The following FAM227B variants were observed in gnomAD, a reference collection of about 807,000 sequenced individuals.
FAM227B encodes family with sequence similarity 227 member B.
In FAM227B, 88 loss-of-function variants were observed where a neutral mutation model predicts 73.8. That is an observed-to-expected ratio of 1.19 (90% CI 1.00 to 1.42). The LOEUF is 1.42. Ranked by LOEUF, FAM227B falls within the 40% of genes most tolerant of loss-of-function variation. FAM227B has a pLI of 0.00. For missense variants in FAM227B, 632 were observed against 590.9 expected (o/e 1.07, Z -0.72); for synonymous variants, 210 against 190.5 (o/e 1.10, Z -0.84).
At chr15:49,407,883 G>A (rs1347289915) in intron 11 of FAM227B, among the ~76,000 whole-genome samples, 1 of 151,902 alleles carries the variant, frequency 6.6e-6, no homozygotes, top group African/African-American at 2.4e-5. Flanking sequence ...CTGGCAATCT[G>A]TTTCTGTACC....
intron 13 of FAM227B, among the ~76,000 whole-genome samples, chr15:49,337,508 C>CTTTTTTTTTTT (rs33973907): frequency 5.5e-5 from 2 of 36,086 alleles, no homozygotes; most frequent in African/African-American, 1.2e-4. Flanking sequence ...CATTTACCCA[C>CTTTTTTTTTTT]TTTTTTTTTT....
At chr15:49,575,968 ATTTCT>A (rs1235282568) in intron 7 of FAM227B, among the ~76,000 whole-genome samples, 2 of 152,210 alleles carry the variant, frequency 1.3e-5, no homozygotes, top group East Asian at 1.9e-4. Flanking sequence ...AACATTCAAG[ATTTCT>A]TTTAAGTGCA....
chr15:49,472,695 C>T (rs1247663883), intron 11 of FAM227B, among the ~76,000 whole-genome samples: 6 of 152,110 alleles, frequency 3.9e-5, no homozygotes, highest in Admixed American at 3.9e-4. Flanking sequence ...AGCTTGAAGA[C>T]TTAAGGGGCA....
At chr15:49,595,681 C>T (rs113990473) in intron 3 of FAM227B, among the ~76,000 whole-genome samples, 136 of 150,024 alleles carry the variant, frequency 9.1e-4, no homozygotes, top group African/African-American at 2.0e-3. Context: ...AAGAAAGCAC[C>T]GAGAAAGGGG....
Position 49,352,135 on chromosome 15 carries a change from C to A in FAM227B, c.1271+15313G>T, listed in dbSNP as rs7178832. Among the ~76,000 whole-genome samples, 158 of 152,280 alleles carry A rather than the reference C, an allele frequency of 1.0e-3. 1 individual carries two copies. The highest frequency in any genetic ancestry group is 3.8e-3 in the African/African-American group (157 of 41,550). ...CTGTGACTGCTAACTGGAACACAGA[C>A]TCTCCATATGGTCTGAACTTGTTAC... is the stretch of plus-strand genomic sequence containing the variant. On this transcript the variant is annotated intron_variant, in intron 13 of 15. Transcript: ENST00000299338.
rs759193575 is a variant in FAM227B, at chr15:49,541,679, C to A, written c.874+1G>T. The A allele has an allele frequency of 2.7e-6, 4 of 1,497,542 alleles. No individual in the cohort carries two copies. The highest frequency in any genetic ancestry group is 2.9e-5 in the African/African-American group (2 of 69,830). The allele number at this position is 1,497,542 out of a possible 1,614,324, so 92.8% of individuals were successfully genotyped here. On this transcript the variant is annotated splice_donor_variant, in intron 10 of 15. Coordinates refer to ENST00000299338, the MANE Select transcript of FAM227B (RefSeq NM_152647.3). LOFTEE classifies it high-confidence loss of function. The stretch of plus-strand genomic sequence containing the variant: ...TTAATATTTAAATGATATATTCATA[C>A]CTGAACACCAAAGAAAAATGTTATT...
rs77366103 is a variant in FAM227B, at chr15:49,615,180, A to T, written c.-9T>A. On this transcript the variant is annotated 5_prime_UTR_variant, in exon 2 of 16. Coordinates refer to ENST00000299338, the MANE Select transcript of FAM227B (RefSeq NM_152647.3). ...GTTCGTTGGCCTGCCATGGTACAGTAACTTTGCAGAAATGAAGAGAAATCA... is the reference window on the plus strand; with the variant it reads ...GTTCGTTGGCCTGCCATGGTACAGTTACTTTGCAGAAATGAAGAGAAATCA... The T allele has an allele frequency of 0.015, 23,729 of 1,613,844 alleles. 262 individuals are homozygous for T. The highest frequency in any genetic ancestry group is 0.028 in the African/African-American group (2,133 of 75,024).
At chr15:49,385,898 G>A (rs28493956) in intron 11 of FAM227B, among the ~76,000 whole-genome samples, 1 of 151,706 alleles carries the variant, frequency 6.6e-6, no homozygotes, top group African/African-American at 2.4e-5. Flanking sequence ...ACTAAAAAAA[G>A]AAAGACAGTC....
intron 11 of FAM227B, among the ~76,000 whole-genome samples, chr15:49,502,512 C>T (rs1406015626): frequency 1.3e-5 from 2 of 152,292 alleles, no homozygotes; most frequent in Non-Finnish European, 1.5e-5. Flanking sequence ...TTCTTTTGGC[C>T]GATTTCTCCC....
chr15:49,372,314 C>T (rs1240713170), intron 11 of FAM227B, among the ~76,000 whole-genome samples: 1 of 151,432 alleles, frequency 6.6e-6, no homozygotes, highest in Non-Finnish European at 1.5e-5. Flanking sequence ...ATTATGTCAT[C>T]CTCGCAAACC....
chr15:49,367,777 T>G (rs1160884036), intron 12 of FAM227B, 169 bp from the exon 13 acceptor site: 7 of 568,348 alleles, frequency 1.2e-5, no homozygotes, highest in African/African-American at 2.0e-5. Context: ...AGTATGAGTC[T>G]ATAAGTACAT....
chr15:49,566,859 G>GAA (rs57597748), intron 9 of FAM227B, among the ~76,000 whole-genome samples: 1 of 152,016 alleles, frequency 6.6e-6, no homozygotes, highest in East Asian at 1.9e-4. Context: ...TCAGAATCCA[G>GAA]AAAAAATCAA....
chr15:49,555,139 T>C (rs1605477), intron 9 of FAM227B, among the ~76,000 whole-genome samples: 49,849 of 152,128 alleles, frequency 0.33, 8,953 homozygotes, highest in African/African-American at 0.46. Flanking sequence ...CTGGTTATTA[T>C]GCAGACTTCT....
chr15:49,601,349 G>A (rs1350035639), intron 3 of FAM227B, among the ~76,000 whole-genome samples: 1 of 151,688 alleles, frequency 6.6e-6, no homozygotes, highest in Non-Finnish European at 1.5e-5. Context: ...CAGTTATTAT[G>A]TTATATTTTG....
chr15:49,371,208 G>A (rs12903238), intron 12 of FAM227B, 94 bp downstream of exon 12: 239,170 of 577,788 alleles, frequency 0.41, 50,338 homozygotes, highest in African/African-American at 0.45. Context: ...TAAGAATGTA[G>A]TAACCAGCAT....
At chr15:49,548,677 T>C (rs1377204641) in intron 9 of FAM227B, among the ~76,000 whole-genome samples, 1 of 152,214 alleles carries the variant, frequency 6.6e-6, no homozygotes, top group Non-Finnish European at 1.5e-5. Flanking sequence ...ACTGGGGTAC[T>C]TTTTATTATG....
At position 49,583,201 on chromosome 15, in the gene FAM227B, GT is replaced by G. The variant is rs202243987; in HGVS notation, c.405+4814del. 4.0e-3 allele frequency among the ~76,000 whole-genome samples: 566 copies of G among 142,844 alleles called. 2 individuals are homozygous for G. Among genetic ancestry groups the G allele is most frequent in the South Asian group, 6.6e-3 (30 of 4,522 alleles). 93.7% of individuals were successfully genotyped at this position (142,844 alleles called of 152,430 possible). On this transcript the variant is annotated intron_variant, in intron 5 of 15. Transcript: ENST00000299338. ...CAAATCCAGGACAACTCCCGTATTTGTTTTTTTTTTTAATTAACAAAATAGA... is the reference window on the plus strand; with the variant it reads ...CAAATCCAGGACAACTCCCGTATTTGTTTTTTTTTTAATTAACAAAATAGA...
chr15:49,602,722 G>C (rs1053405217), intron 3 of FAM227B, among the ~76,000 whole-genome samples: 1 of 152,156 alleles, frequency 6.6e-6, no homozygotes, highest in Admixed American at 6.5e-5. Flanking sequence ...TCTTTGCCCA[G>C]ACCAATGTGC....
chr15:49,424,334 T>C (rs764963094), intron 11 of FAM227B: 51 of 1,613,476 alleles, frequency 3.2e-5, no homozygotes, highest in Admixed American at 6.7e-5. Flanking sequence ...CCTGCCAACT[T>C]TGCTCTACAG....
Sources: gnomAD v4.1 joint callset for allele counts (sites outside exome capture counted in the v4.1 genomes callset) on GRCh38, gnomAD v4.1.1 for gene constraint, MANE v1.5 for transcripts, NCBI Gene and HGNC (gene_info 2026-07-23, HGNC 2026-07-21) for gene names.